CGN: variants seen among roughly 807,000 people sequenced by gnomAD.
The protein encoded by CGN is cingulin.
A neutral mutation model predicts 157.1 loss-of-function variants in CGN; 121 were observed. That is an observed-to-expected ratio of 0.77 (90% confidence interval 0.66 to 0.90). The LOEUF is 0.90. Among genes scored for constraint, CGN ranks in the 40% least tolerant of loss-of-function variants. The pLI is 0.00. For synonymous variants in CGN, 535 were observed against 607.5 expected (o/e 0.88, Z 1.76); for missense variants, 1,424 against 1,520.9 (o/e 0.94, Z 1.06).
intron 9 of CGN, among the ~76,000 whole-genome samples, chr1:151,526,402 C>A (rs942972833): frequency 1.2e-4 from 18 of 151,818 alleles, no homozygotes; most frequent in African/African-American, 4.1e-4. Context: ...GTCTTGAACT[C>A]CTGACTTCGT....
In CGN at chr1:151,527,012, G is replaced by C. The variant is rs776006822; in HGVS notation, c.1801G>C (p.Glu601Gln). ...QLRMEKEEME[E>Q]ELGEKIEVLQ... ...GCGAATGGAGAAGGAGGAGATGGAAGAGGAGCTTGGAGAGAAGATAGAGGT... is the reference window on the plus strand; with the variant it reads ...GCGAATGGAGAAGGAGGAGATGGAACAGGAGCTTGGAGAGAAGATAGAGGT... The change falls in exon 10 of 21, where the codon GAG (glutamate) becomes CAG (glutamine). Residue 601 changes from glutamate to glutamine, a missense_variant. By Grantham distance (29) the Glu-to-Gln change is conservative. Coordinates refer to ENST00000271636, the MANE Select transcript of CGN (RefSeq NM_020770.3). 1 of 1,614,198 alleles carries C rather than the reference G, an allele frequency of 6.2e-7. No homozygotes were observed. The highest frequency in any genetic ancestry group is 1.1e-5 in the South Asian group (1 of 91,086).
At position 151,530,021 on chromosome 1, in the gene CGN, T is replaced by C; in HGVS notation, c.2219T>C (p.Leu740Pro). Residue 740 changes from leucine to proline, a missense_variant, in exon 12 of 21, where the codon CTG becomes CCG. Physicochemically the swap from Leu to Pro is moderately conservative, Grantham distance 98. This residue lies in a region of CGN where 1,187 missense variants were observed against 1,217.6 expected (regional missense o/e 0.97). Coordinates refer to ENST00000271636, the MANE Select transcript of CGN (RefSeq NM_020770.3). ...AATGACGAATTCCGCCGGCGCATCC[T>C]GGGTTTGGAGCAGCAGCTGAAGGAG... ...EENDEFRRRI[L>P]GLEQQLKETR... 1 of 1,614,132 alleles carries C rather than the reference T, an allele frequency of 6.2e-7. No individual in the cohort carries two copies. Among genetic ancestry groups the C allele is most frequent in the Non-Finnish European group, 8.5e-7 (1 of 1,180,010 alleles).
rs375705109 is a variant in CGN at position 151,518,796 on chromosome 1, G to A, written c.277G>A (p.Ala93Thr). Residue 93 changes from alanine (A) to threonine (T), a missense_variant, in exon 2 of 21, where the codon GCT becomes ACT. Ala to Thr is a moderately conservative substitution (Grantham distance 58). Transcript: ENST00000271636. ...KGANDQGASG[A>T]LSSDLELPEN... ...GGCCAATGACCAAGGGGCCTCAGGA[G>A]CTCTGAGCTCAGATTTGGAACTCCC... The A allele has an allele frequency of 1.8e-5, 29 of 1,614,094 alleles. No homozygotes were observed. The East Asian group carries it at 2.9e-4, about 16-fold the overall frequency.
At position 151,524,622 on chromosome 1, in the gene CGN, C is replaced by G. The variant is rs1664626576; in HGVS notation, c.1402-52C>G. On this transcript the variant is annotated intron_variant, in intron 7 of 20. Transcript: ENST00000271636. The surrounding 1 kb of genome is among the most constrained non-coding windows in gnomAD (Gnocchi z 4.4). ...TTTTTTGACTCAGTGAATTGATAAA[C>G]AGATGGATTCTAATATGGTCACCCC... 1 of 1,470,088 alleles carries G rather than the reference C, an allele frequency of 6.8e-7. No homozygotes were observed. Among genetic ancestry groups the G allele is most frequent in the Non-Finnish European group, 9.3e-7 (1 of 1,076,260 alleles). 91.1% of individuals were successfully genotyped at this position (1,470,088 alleles called of 1,614,324 possible).
chr1:151,536,797 A>C lies in CGN; in HGVS notation c.3374A>C (p.Asp1125Ala). The C allele has an allele frequency of 6.2e-7, 1 of 1,614,156 alleles. No homozygotes were observed. The highest frequency in any genetic ancestry group is 2.2e-5 in the East Asian group (1 of 44,866). Residue 1125 changes from aspartate to alanine, a missense_variant, in exon 20 of 21, where the codon GAC becomes GCC. Asp to Ala is a moderately radical substitution (Grantham distance 126, BLOSUM62 -2). Transcript: ENST00000271636. The part of the protein sequence containing the change: ...DEAEEEIERL[D>A]GLRKKAQREV... ...GCAGAAGAGGAAATTGAGCGACTGG[A>C]CGGCCTGAGGAAGAAGGCCCAGCGT...
chr1:151,537,426 C>A lies in CGN; in HGVS notation c.*80C>A. ...TGCTCTGCTCTGCCCACCCTGGGTT[C>A]TGCATTCCTATGGGTGACCCAATTA... On this transcript the variant is annotated 3_prime_UTR_variant, in exon 21 of 21. Transcript: ENST00000271636. 7.5e-7 allele frequency: 1 copy of A among 1,335,916 alleles called. No individual in the cohort carries two copies. The highest frequency in any genetic ancestry group is 1.0e-6 in the Non-Finnish European group (1 of 966,020). The allele number at this position is 1,335,916 out of a possible 1,614,324, so 82.8% of individuals were successfully genotyped here.
Position 151,536,345 on chromosome 1 carries a change from G to A in CGN, c.3306G>A (p.Gln1102=), listed in dbSNP as rs1343355358. The A allele has an allele frequency of 6.4e-7, 1 of 1,574,776 alleles. No homozygotes were observed. The highest frequency in any genetic ancestry group is 1.1e-5 in the South Asian group (1 of 90,186). Residue 1102 remains glutamine (Q), a splice_region_variant and synonymous_variant, in exon 19 of 21, where the codon CAG becomes CAA. Transcript: ENST00000271636. ...ERQHVNDQKD[Q]LSLRVKALKR... is the part of the protein sequence containing the mutation. ...AGCATGTCAATGACCAGAAAGACCA[G>A]GTGAGGACATGGCACCCTGGAGCCA...
At chr1:151,513,394 C>T (rs1664343449) in intron 1 of CGN, among the ~76,000 whole-genome samples, 1 of 152,190 alleles carries the variant, frequency 6.6e-6, no homozygotes, top group Admixed American at 6.5e-5. Flanking sequence ...CAGGAGTCCA[C>T]TTGGGGGATT....
chr1:151,515,926 T>C (rs1235740121), intron 1 of CGN, among the ~76,000 whole-genome samples: 4 of 152,208 alleles, frequency 2.6e-5, no homozygotes, highest in African/African-American at 9.7e-5. Flanking sequence ...CCTTTTAAGA[T>C]GGGGTGATAA....
intron 1 of CGN, 69 bp from the exon 2 acceptor site, chr1:151,518,437 G>GC: frequency 1.5e-6 from 2 of 1,352,604 alleles, no homozygotes; most frequent in East Asian, 4.7e-5. Flanking sequence ...AGGGAAGTCA[G>GC]CCCGCAGGTA....
intron 8 of CGN, 126 bp from the exon 9 acceptor site, chr1:151,525,516 G>C: frequency 1.7e-6 from 1 of 588,654 alleles, no homozygotes; most frequent in Non-Finnish European, 2.8e-6. Context: ...TACCACAAGA[G>C]TGTCAGGGGG....
chr1:151,514,194 G>T (rs1664359730), intron 1 of CGN, among the ~76,000 whole-genome samples: 1 of 143,906 alleles, frequency 6.9e-6, no homozygotes, highest in African/African-American at 2.5e-5. Context: ...GGTGATTGAG[G>T]TTAGGGAGTT....
chr1:151,524,316 A>G lies in CGN; in HGVS notation c.1359A>G (p.Lys453=). The change falls in exon 7 of 21, where the codon AAA becomes AAG. Residue 453 remains lysine, a synonymous_variant. Transcript: ENST00000271636. The surrounding 1 kb of genome is among the most constrained non-coding windows in gnomAD (Gnocchi z 4.4). Reference sequence around the variant, plus strand: ...TGATGGAGCTGCAGAACAAGCTGAAACATGTCCAGGGTCCTGAGCCTGCTA... The same window carrying G: ...TGATGGAGCTGCAGAACAAGCTGAAGCATGTCCAGGGTCCTGAGCCTGCTA... The part of the protein sequence containing the change: ...TQVMELQNKL[K]HVQGPEPAKE... 2 of 1,614,150 alleles carry G rather than the reference A, an allele frequency of 1.2e-6. No homozygotes were observed. The highest frequency in any genetic ancestry group is 1.1e-5 in the South Asian group (1 of 91,084).
Position 151,517,758 on chromosome 1 carries a change from T to C in CGN, c.-14-748T>C, listed in dbSNP as rs2102487931. Among the ~76,000 whole-genome samples the C allele has an allele frequency of 1.3e-5, 2 of 152,176 alleles. 1 individual carries two copies. The highest frequency in any genetic ancestry group is 2.9e-5 in the Non-Finnish European group (2 of 67,994). ...AACTCCTGACCTCAGGTGATCCACC[T>C]GCCTCAGCCTCCCAAAGTGCTGGGA... On this transcript the variant is annotated intron_variant, in intron 1 of 20. Coordinates refer to ENST00000271636, the MANE Select transcript of CGN (RefSeq NM_020770.3).
rs751426674 is a variant in CGN, at chr1:151,530,115, G to A, written c.2313G>A (p.Glu771=). 7.5e-6 allele frequency: 12 copies of A among 1,609,640 alleles called. No individual in the cohort carries two copies. The highest frequency in any genetic ancestry group is 3.3e-5 in the Admixed American group (2 of 59,922). ...TACGGGACAAGCTGCAGCGGCTGGA[G>A]GTCAGTGGTTCTGCCCTCCCAGCCC... ...ARLRDKLQRL[E]AEKQQLEEAL... Residue 771 remains glutamate, a splice_region_variant and synonymous_variant, in exon 12 of 21, where the codon GAG becomes GAA. Coordinates refer to ENST00000271636, the MANE Select transcript of CGN (RefSeq NM_020770.3).
Position 151,519,032 on chromosome 1 carries a change from C to T in CGN, c.513C>T (p.Asp171=), listed in dbSNP as rs1406397579. The change falls in exon 2 of 21, where the codon GAC becomes GAT. Residue 171 remains aspartate, a synonymous_variant. Coordinates refer to ENST00000271636, the MANE Select transcript of CGN (RefSeq NM_020770.3). ...PKVASPGSTI[D]TAPLSSVDSL... ...TGGCTTCCCCAGGTAGCACCATTGA[C>T]ACTGCTCCCCTGTCTTCAGTGGACT... 1 of 1,614,204 alleles carries T rather than the reference C, an allele frequency of 6.2e-7. No homozygotes were observed. Among genetic ancestry groups the T allele is most frequent in the South Asian group, 1.1e-5 (1 of 91,086 alleles).
rs138959855 is a variant in CGN at position 151,518,553 on chromosome 1, G to A, written c.34G>A (p.Gly12Ser). The part of the protein sequence containing the change: ...EQAPNMAEPR[G>S]PVDHGVQIRF... ...GGCACCCAACATGGCTGAGCCCCGG[G>A]GCCCCGTAGACCATGGAGTCCAGAT... The change falls in exon 2 of 21, where the codon GGC becomes AGC. Residue 12 changes from glycine to serine, a missense_variant. Gly to Ser is a moderately conservative substitution (Grantham distance 56, BLOSUM62 0). Around this residue, in one of 3 missense-constraint regions of CGN, gnomAD observed 1,187 missense variants for 1,217.6 expected, o/e 0.97. Transcript: ENST00000271636. 3.5e-4 allele frequency: 557 copies of A among 1,610,810 alleles called. No individual in the cohort carries two copies. Among genetic ancestry groups the A allele is most frequent in the Non-Finnish European group, 4.2e-4 (495 of 1,177,268 alleles).
rs1212594091 is a variant in CGN at position 151,535,066 on chromosome 1, G to C, written c.2929G>C (p.Glu977Gln). 6.2e-7 allele frequency: 1 copy of C among 1,614,122 alleles called. No individual in the cohort carries two copies. Among genetic ancestry groups the C allele is most frequent in the Admixed American group, 1.7e-5 (1 of 60,016 alleles). The change falls in exon 16 of 21, where the codon GAG (glutamate) becomes CAG (glutamine). Residue 977 changes from glutamate (E) to glutamine (Q), a missense_variant. By Grantham distance (29) the Glu-to-Gln change is conservative (BLOSUM62 2). Coordinates refer to ENST00000271636, the MANE Select transcript of CGN (RefSeq NM_020770.3). ...LEEKVSRLET[E>Q]LDEEKNTVEL... ...GGAAAAAGTCTCACGGCTGGAAACA[G>C]AGTTAGATGAGGAGAAGAACACCGT...
intron 11 of CGN, 95 bp downstream of exon 11, chr1:151,529,654 A>G (rs1269025722): frequency 1.8e-6 from 2 of 1,138,546 alleles, no homozygotes; most frequent in Non-Finnish European, 2.5e-6. Flanking sequence ...TGTCATGGGT[A>G]TGTACTGACC....
Sources: gnomAD v4.1 joint callset for allele counts (sites outside exome capture counted in the v4.1 genomes callset) on GRCh38, gnomAD v4.1.1 for gene constraint, gnomAD v4.1.1 regional missense constraint, Gnocchi (gnomAD v3.1) non-coding constraint, MANE v1.5 for transcripts, NCBI Gene and HGNC (gene_info 2026-07-23, HGNC 2026-07-21) for gene names.